HEATR5A: variants seen among roughly 807,000 people sequenced by gnomAD.
The protein encoded by HEATR5A is HEAT repeat-containing protein 5A.
A neutral mutation model predicts 218.8 loss-of-function variants in HEATR5A; 178 were observed. The ratio of observed to expected loss-of-function variants is 0.81; its 90% CI spans 0.72 to 0.92. The LOEUF (loss-of-function observed/expected upper bound fraction) is 0.92. Among genes scored for constraint, HEATR5A ranks in the 40% least tolerant of loss-of-function variants. HEATR5A has a pLI of 0.00. For missense variants in HEATR5A, 2,420 were observed against 2,418.9 expected (o/e 1.00, Z -0.01); for synonymous variants, 864 against 871.6 (o/e 0.99, Z 0.15).
chr14:31,309,277 A>C (rs962138822), intron 28 of HEATR5A, 95 bp from the exon 29 acceptor site: 17 of 1,385,584 alleles, frequency 1.2e-5, no homozygotes, highest in African/African-American at 5.7e-5. Flanking sequence ...CATCACTCCG[A>C]AAGTTCCCTT....
chr14:31,372,678 T>TTA (rs1171371886), intron 12 of HEATR5A, among the ~76,000 whole-genome samples: 2 of 151,936 alleles, frequency 1.3e-5, no homozygotes, highest in Non-Finnish European at 2.9e-5. Flanking sequence ...AAATACAAAA[T>TTA]TAGCTGAGCA....
intron 13 of HEATR5A, among the ~76,000 whole-genome samples, chr14:31,371,148 G>A (rs565582485): frequency 2.6e-5 from 4 of 152,256 alleles, no homozygotes; most frequent in African/African-American, 9.6e-5. Flanking sequence ...TTTGAGCTAC[G>A]ATGAGAGAGT....
At chr14:31,321,455 A>T (rs373151469) in intron 25 of HEATR5A, 44 bp downstream of exon 25, 1 of 1,461,902 alleles carries the variant, frequency 6.8e-7, no homozygotes, top group Non-Finnish European at 9.2e-7. Context: ...TAGACTTTTT[A>T]TCTGTGTGTT....
chr14:31,358,587 T>TA lies in HEATR5A; in HGVS notation c.2411+49dup, dbSNP rs1901506116. On this transcript the variant is annotated intron_variant, in intron 16 of 35. Transcript: ENST00000543095. ...ATGAGATCTCTGGCAACATTCTTCT[T>TA]ACCCACCAGTTCTCTATTATCCATT... The TA allele has an allele frequency of 2.0e-6, 3 of 1,474,062 alleles. No homozygotes were observed. In the African/African-American group the frequency reaches 4.2e-5, roughly 21 times the overall value. 91.3% of individuals were successfully genotyped at this position (1,474,062 alleles called of 1,614,324 possible).
At chr14:31,348,890 C>T (rs1229479896) in intron 18 of HEATR5A, among the ~76,000 whole-genome samples, 1 of 152,114 alleles carries the variant, frequency 6.6e-6, no homozygotes, top group Non-Finnish European at 1.5e-5. Context: ...TCAATACTAC[C>T]ACCACCACTC....
chr14:31,328,039 C>T (rs112491153), intron 22 of HEATR5A, among the ~76,000 whole-genome samples: 1 of 152,144 alleles, frequency 6.6e-6, no homozygotes, highest in East Asian at 1.9e-4. Flanking sequence ...ATCTCTGCCT[C>T]CTGAGTTCAA....
Position 31,302,429 on chromosome 14 carries a change from G to C in HEATR5A, c.5330C>G (p.Ser1777Trp). The C allele has an allele frequency of 6.3e-7, 1 of 1,598,404 alleles. No individual in the cohort carries two copies. The highest frequency in any genetic ancestry group is 1.1e-5 in the South Asian group (1 of 88,220). The change falls in exon 33 of 36, where the codon TCG becomes TGG. Residue 1777 changes from serine to tryptophan, a missense_variant. Physicochemically the swap from Ser to Trp is radical, Grantham distance 177. Transcript: ENST00000543095. ...AGCCTGTAGGGAAGCTGCAACTGTC[G>C]AAGATAACTGGCCCCCAGGTAACTT... ...AVKLPGGQLS[S>W]TVAASLQALK...
chr14:31,293,753 T>C (rs1899090877), intron 35 of HEATR5A, 138 bp downstream of exon 35: 2 of 1,040,936 alleles, frequency 1.9e-6, no homozygotes, highest in Admixed American at 5.4e-5. Context: ...CTAAATAATA[T>C]CAATACTTGG....
chr14:31,413,535 A>G (rs1435908459), intron 1 of HEATR5A, among the ~76,000 whole-genome samples: 1 of 152,050 alleles, frequency 6.6e-6, no homozygotes, highest in African/African-American at 2.4e-5. Context: ...ATTACAAAAG[A>G]GAACACCCCG....
chr14:31,389,842 G>A (rs1302992290), intron 6 of HEATR5A, among the ~76,000 whole-genome samples: 1 of 152,088 alleles, frequency 6.6e-6, no homozygotes, highest in Non-Finnish European at 1.5e-5. Context: ...ATTGAATAGT[G>A]CAAAATCCAT....
intron 22 of HEATR5A, among the ~76,000 whole-genome samples, chr14:31,330,670 AGTC>A (rs1302411322): frequency 6.6e-6 from 1 of 151,834 alleles, no homozygotes; most frequent in Non-Finnish European, 1.5e-5. Flanking sequence ...AGGTGCCTGT[AGTC>A]CCAGCTATTC....
Position 31,383,746 on chromosome 14 carries a change from A to G in HEATR5A, c.1371T>C (p.Val457=), listed in dbSNP as rs2030090446. The change falls in exon 10 of 36, where the codon GTT becomes GTC. Residue 457 remains valine (V), a synonymous_variant. Coordinates refer to ENST00000543095, the MANE Select transcript of HEATR5A (RefSeq NM_015473.4). ...STGLLDSILS[V]ILHPSISVRL... is the part of the protein sequence containing the mutation. ...GAACAGAAATGCTAGGATGAAGAATAACTGACAAGATACTGTCAAGGAGAC... is the reference window on the plus strand; with the variant it reads ...GAACAGAAATGCTAGGATGAAGAATGACTGACAAGATACTGTCAAGGAGAC... 6.2e-7 allele frequency: 1 copy of G among 1,613,536 alleles called. No individual in the cohort carries two copies. The highest frequency in any genetic ancestry group is 8.5e-7 in the Non-Finnish European group (1 of 1,179,672).
intron 22 of HEATR5A, among the ~76,000 whole-genome samples, chr14:31,332,854 C>T (rs1298375906): frequency 1.3e-5 from 2 of 151,914 alleles, no homozygotes; most frequent in East Asian, 1.9e-4. Context: ...GGCATGGTGG[C>T]GGGCACCTGT....
rs1215603137 is a variant in HEATR5A at position 31,358,754 on chromosome 14, T to C, written c.2294A>G (p.Tyr765Cys). The C allele has an allele frequency of 6.2e-7, 1 of 1,613,878 alleles. No homozygotes were observed. The highest frequency in any genetic ancestry group is 8.5e-7 in the Non-Finnish European group (1 of 1,179,870). The change falls in exon 16 of 36, where the codon TAT (tyrosine) becomes TGT (cysteine). Residue 765 changes from tyrosine to cysteine, a missense_variant. Coordinates refer to ENST00000543095, the MANE Select transcript of HEATR5A (RefSeq NM_015473.4). Reference sequence around the variant, plus strand: ...TGAATCTCCCTCTACATCTTTCTCATAAATCGAATAAGGGTCATATTCAAG... The same window carrying C: ...TGAATCTCCCTCTACATCTTTCTCACAAATCGAATAAGGGTCATATTCAAG... ...GSLEYDPYSI[Y>C]EKDVEGDSVP...
chr14:31,324,099 A>C (rs777696957), intron 23 of HEATR5A, among the ~76,000 whole-genome samples: 1 of 152,140 alleles, frequency 6.6e-6, no homozygotes, highest in Non-Finnish European at 1.5e-5. Flanking sequence ...AAAACAAACA[A>C]ACACAATAGT....
At chr14:31,303,333 T>C (rs1382757220) in intron 32 of HEATR5A, among the ~76,000 whole-genome samples, 1 of 152,094 alleles carries the variant, frequency 6.6e-6, no homozygotes, top group African/African-American at 2.4e-5. Context: ...CTCGGGAGGC[T>C]GAGGCAGAAG....
chr14:31,299,200 C>G (rs1023874607), intron 33 of HEATR5A, among the ~76,000 whole-genome samples: 4 of 152,206 alleles, frequency 2.6e-5, no homozygotes, highest in Non-Finnish European at 5.9e-5. Context: ...TTGGTTATTT[C>G]TGTTAATCAC....
At chr14:31,379,962 A>C (rs2029916949) in intron 11 of HEATR5A, among the ~76,000 whole-genome samples, 1 of 152,140 alleles carries the variant, frequency 6.6e-6, no homozygotes, top group African/African-American at 2.4e-5. Context: ...TGTCTCAAAA[A>C]TTTAGAGGAT....
chr14:31,382,695 T>C (rs2030044582), intron 10 of HEATR5A, among the ~76,000 whole-genome samples: 1 of 151,652 alleles, frequency 6.6e-6, no homozygotes, highest in Non-Finnish European at 1.5e-5. Context: ...ATTCTAAATT[T>C]ACTCAGAAAA....
Sources: gnomAD v4.1 joint callset for allele counts (sites outside exome capture counted in the v4.1 genomes callset) on GRCh38, gnomAD v4.1.1 for gene constraint, MANE v1.5 for transcripts, NCBI Gene and HGNC (gene_info 2026-07-23, HGNC 2026-07-21) for gene names.